CACNA1C: variants seen among roughly 807,000 people sequenced by gnomAD.
The protein encoded by CACNA1C is calcium voltage-gated channel subunit alpha1 C, also known as voltage-dependent L-type calcium channel subunit alpha-1C.
A neutral mutation model predicts 229.0 loss-of-function variants in CACNA1C; 30 were observed. The observed-to-expected ratio is 0.13, with a 90% CI of 0.10 to 0.18. The LOEUF is 0.18. CACNA1C is among the 10% of genes least tolerant of loss of function. The probability of loss-of-function intolerance (pLI) is 1.00; values close to 1 mark genes in which losing one functional copy is unlikely to be tolerated. For missense variants in CACNA1C, 1,658 were observed against 2,845.0 expected (o/e 0.58, Z 9.49); for synonymous variants, 1,114 against 1,132.5 (o/e 0.98, Z 0.33).
chr12:2,572,552 C>G (rs2056048607), intron 13 of CACNA1C, among the ~76,000 whole-genome samples: 1 of 81,894 alleles, frequency 1.2e-5, no homozygotes, highest in Non-Finnish European at 2.6e-5. Flanking sequence ...TTCTCCCCTC[C>G]TCCTTCTCCT....
chr12:1,984,968 T>C (rs780627689), intron 1 of CACNA1C, among the ~76,000 whole-genome samples: 3 of 151,978 alleles, frequency 2.0e-5, no homozygotes, highest in Non-Finnish European at 4.4e-5. Context: ...ATAAGAAATC[T>C]GCAGTCATTC....
chr12:2,294,555 G>C (rs1300353425), intron 3 of CACNA1C, among the ~76,000 whole-genome samples: 1 of 151,976 alleles, frequency 6.6e-6, no homozygotes, highest in Non-Finnish European at 1.5e-5. Flanking sequence ...ATGTGGTGGG[G>C]GAAAGATTCC....
chr12:2,338,390 G>A (rs2096764026), intron 3 of CACNA1C, among the ~76,000 whole-genome samples: 1 of 152,158 alleles, frequency 6.6e-6, no homozygotes, highest in Non-Finnish European at 1.5e-5. Context: ...TGAGATAGAT[G>A]CCAAGGCCAA....
At chr12:2,361,339 A>C (rs955048795) in intron 3 of CACNA1C, among the ~76,000 whole-genome samples, 2 of 152,150 alleles carry the variant, frequency 1.3e-5, no homozygotes, top group Non-Finnish European at 2.9e-5. Flanking sequence ...GCACATTGCT[A>C]CCTAGACTGT....
intron 3 of CACNA1C, among the ~76,000 whole-genome samples, chr12:2,347,525 G>C (rs1225693391): frequency 6.6e-6 from 1 of 152,236 alleles, no homozygotes; most frequent in Non-Finnish European, 1.5e-5. Flanking sequence ...GAAGTTGGCA[G>C]GCTCTAGGCC....
intron 1 of CACNA1C, among the ~76,000 whole-genome samples, chr12:2,016,710 G>A (rs1192201524): frequency 2.6e-5 from 4 of 152,148 alleles, no homozygotes; most frequent in East Asian, 1.9e-4. Flanking sequence ...GATTACAGGC[G>A]TGAGCCACCA....
intron 3 of CACNA1C, among the ~76,000 whole-genome samples, chr12:2,157,339 C>G (rs567639296): frequency 6.6e-6 from 1 of 152,194 alleles, no homozygotes; most frequent in East Asian, 1.9e-4. Context: ...GCAACTAATA[C>G]TCTTCCCATT....
At chr12:2,251,614 G>A (rs758473182) in intron 3 of CACNA1C, among the ~76,000 whole-genome samples, 21 of 152,186 alleles carry the variant, frequency 1.4e-4, no homozygotes, top group Non-Finnish European at 2.9e-4. Flanking sequence ...CCAGCCCCGG[G>A]CCCATGGGAA....
intron 3 of CACNA1C, among the ~76,000 whole-genome samples, chr12:2,186,709 A>G (rs2097027530): frequency 1.3e-5 from 2 of 152,306 alleles, no homozygotes; most frequent in South Asian, 4.1e-4. Context: ...TGATTACTAT[A>G]TGCCAGGTAC....
intron 1 of CACNA1C, among the ~76,000 whole-genome samples, chr12:2,106,416 G>A (rs2078613364): frequency 1.3e-5 from 1 of 76,384 alleles, no homozygotes; most frequent in Admixed American, 1.2e-4. Flanking sequence ...GCGTCCTGAA[G>A]CCACTGGGCG....
intron 3 of CACNA1C, among the ~76,000 whole-genome samples, chr12:2,375,876 A>G (rs1378138677): frequency 2.6e-5 from 4 of 152,176 alleles, no homozygotes; most frequent in Non-Finnish European, 5.9e-5. Flanking sequence ...TGACCACACC[A>G]CTTGATTGGG....
chr12:2,377,925 G>A (rs2098123244), intron 3 of CACNA1C, among the ~76,000 whole-genome samples: 1 of 152,206 alleles, frequency 6.6e-6, no homozygotes, highest in South Asian at 2.1e-4. Context: ...GTAGGCCTGA[G>A]TGCTCCCGTA....
At chr12:2,577,619 G>C (rs896057754) in intron 13 of CACNA1C, among the ~76,000 whole-genome samples, 2 of 152,170 alleles carry the variant, frequency 1.3e-5, no homozygotes, top group Admixed American at 1.3e-4. Flanking sequence ...AAGTGCACAC[G>C]CACACAAACA....
chr12:2,196,872 C>T (rs1271719209), intron 3 of CACNA1C, among the ~76,000 whole-genome samples: 2 of 152,360 alleles, frequency 1.3e-5, no homozygotes, highest in Admixed American at 1.3e-4. Context: ...AAAACTGCTC[C>T]TGGGCTCTTC....
At chr12:2,367,176 A>G (rs2097746910) in intron 3 of CACNA1C, among the ~76,000 whole-genome samples, 1 of 152,208 alleles carries the variant, frequency 6.6e-6, no homozygotes, top group Admixed American at 6.5e-5. Flanking sequence ...TCAGATCATC[A>G]GGCATTAGAT....
rs1291950737 is a variant in CACNA1C, at chr12:2,585,323, C to A, written c.2340-53C>A. Reference sequence around the variant, plus strand: ...CAGGGCGGTTCCCTCCTACACTGTTCCCTATCACTCCAGTAAACAGCCATT... The same window carrying A: ...CAGGGCGGTTCCCTCCTACACTGTTACCTATCACTCCAGTAAACAGCCATT... On this transcript the variant is annotated intron_variant, in intron 16 of 46. Transcript: ENST00000399655. The surrounding 1 kb of genome is among the most constrained non-coding windows in gnomAD (Gnocchi z 4.1). 5 of 1,580,936 alleles carry A rather than the reference C, an allele frequency of 3.2e-6. No homozygotes were observed. Among genetic ancestry groups the A allele is most frequent in the African/African-American group, 2.7e-5 (2 of 74,418 alleles).
At position 2,053,536 on chromosome 12, in the gene CACNA1C, T is replaced by G. The variant is rs776331800; in HGVS notation, c.-27T>G. On this transcript the variant is annotated 5_prime_UTR_variant, in exon 1 of 47. Transcript: ENST00000399655. The surrounding 1 kb of genome is among the most constrained non-coding windows in gnomAD (Gnocchi z 5.8). The stretch of plus-strand genomic sequence containing the variant: ...CACATTTCTTCCTCTTCGTGGCTGC[T>G]CCTCCTATTAAAACCATTTTTGGTC... 6.3e-7 allele frequency: 1 copy of G among 1,576,612 alleles called. No homozygotes were observed. Among genetic ancestry groups the G allele is most frequent in the Non-Finnish European group, 8.6e-7 (1 of 1,160,982 alleles).
intron 3 of CACNA1C, among the ~76,000 whole-genome samples, chr12:2,165,402 G>A (rs1597838158): frequency 1.3e-5 from 2 of 152,322 alleles, no homozygotes; most frequent in East Asian, 3.9e-4. Context: ...TAGCTGCTCT[G>A]GGTTTAAGTA....
chr12:2,495,748 G>C (rs1439391472), intron 7 of CACNA1C, among the ~76,000 whole-genome samples: 1 of 152,180 alleles, frequency 6.6e-6, no homozygotes, highest in Non-Finnish European at 1.5e-5. Context: ...GCCTCTCTCT[G>C]ATTTTCCCAG....
Sources: allele counts gnomAD v4.1 joint callset (sites outside exome capture counted in the v4.1 genomes callset), GRCh38; gene constraint gnomAD v4.1.1; non-coding constraint Gnocchi (gnomAD v3.1); transcripts MANE v1.5; gene names NCBI Gene and HGNC (gene_info 2026-07-23, HGNC 2026-07-21).